The following COG5 variants were observed in gnomAD, a reference collection of about 807,000 sequenced individuals.
COG5 encodes component of oligomeric golgi complex 5.
Under a neutral mutation model 110.4 loss-of-function variants are expected in COG5, and 86 were observed. The ratio of observed to expected loss-of-function variants is 0.78; its 90% CI spans 0.65 to 0.93. The LOEUF (loss-of-function observed/expected upper bound fraction) is 0.93. COG5 is among the 40% of genes least tolerant of loss of function. The pLI is 0.00. For synonymous variants in COG5, 360 were observed against 334.6 expected (o/e 1.08, Z -0.83); for missense variants, 1,077 against 987.0 (o/e 1.09, Z -1.22).
intron 6 of COG5, among the ~76,000 whole-genome samples, chr7:107,462,183 A>G (rs1396257022): frequency 1.3e-5 from 2 of 152,218 alleles, no homozygotes; most frequent in Admixed American, 1.3e-4. Flanking sequence ...GGACGTGAGC[A>G]CTTGAGTACC....
chr7:107,505,295 G>A (rs541030546), intron 6 of COG5, among the ~76,000 whole-genome samples: 1 of 152,298 alleles, frequency 6.6e-6, no homozygotes, highest in East Asian at 1.9e-4. Context: ...CCTTGACAGA[G>A]GTGGCCGAGG....
intron 11 of COG5, among the ~76,000 whole-genome samples, chr7:107,323,835 C>T (rs1240375890): frequency 6.6e-6 from 1 of 152,064 alleles, no homozygotes; most frequent in Non-Finnish European, 1.5e-5. Context: ...GGCCTAGGTA[C>T]ATTATATGCT....
chr7:107,329,435 TC>T (rs1400729040), intron 10 of COG5, among the ~76,000 whole-genome samples: 2 of 152,178 alleles, frequency 1.3e-5, no homozygotes, highest in Non-Finnish European at 2.9e-5. Context: ...TATATACCCA[TC>T]TATTTATACA....
intron 8 of COG5, 115 bp downstream of exon 8, chr7:107,372,476 TTCTG>T (rs1416713915): frequency 2.1e-6 from 2 of 949,710 alleles, no homozygotes; most frequent in Non-Finnish European, 3.2e-6. Context: ...TTCTCTCATT[TTCTG>T]TCTACTAAAA....
chr7:107,351,972 A>G (rs1002327578), intron 10 of COG5, among the ~76,000 whole-genome samples: 1 of 146,666 alleles, frequency 6.8e-6, no homozygotes, highest in East Asian at 2.0e-4. Flanking sequence ...TATATACCCA[A>G]AGGATTATAA....
intron 14 of COG5, among the ~76,000 whole-genome samples, chr7:107,267,541 T>C (rs988091639): frequency 6.6e-6 from 1 of 152,214 alleles, no homozygotes; most frequent in African/African-American, 2.4e-5. Context: ...ATGAATACTG[T>C]AAGTAATTTA....
At chr7:107,206,641 A>G (rs1798809905) in intron 21 of COG5, among the ~76,000 whole-genome samples, 1 of 152,246 alleles carries the variant, frequency 6.6e-6, no homozygotes, top group Non-Finnish European at 1.5e-5. Context: ...ATCATTTCAT[A>G]GTGAATGGAT....
intron 8 of COG5, among the ~76,000 whole-genome samples, chr7:107,366,889 G>A (rs1254404849): frequency 6.6e-6 from 1 of 152,008 alleles, no homozygotes; most frequent in East Asian, 1.9e-4. Context: ...TTGAAGCTTT[G>A]CATATATAAA....
At chr7:107,473,205 C>T (rs1264680034) in intron 6 of COG5, among the ~76,000 whole-genome samples, 1 of 151,804 alleles carries the variant, frequency 6.6e-6, no homozygotes, top group Non-Finnish European at 1.5e-5. Context: ...CTTTAAACTA[C>T]TTCAAAAATG....
At chr7:107,383,124 G>A (rs974931765) in intron 7 of COG5, among the ~76,000 whole-genome samples, 6 of 152,112 alleles carry the variant, frequency 3.9e-5, no homozygotes, top group Admixed American at 2.0e-4. Context: ...CCAAATCCTG[G>A]CAAGCATGAC....
chr7:107,419,496 A>T (rs1793120036), intron 6 of COG5, among the ~76,000 whole-genome samples: 1 of 152,086 alleles, frequency 6.6e-6, no homozygotes, highest in African/African-American at 2.4e-5. Context: ...AGAAAAAGAG[A>T]ATGGAGGAGG....
At chr7:107,356,986 A>G (rs1562986492) in intron 10 of COG5, among the ~76,000 whole-genome samples, 1 of 152,072 alleles carries the variant, frequency 6.6e-6, no homozygotes, top group East Asian at 1.9e-4. Flanking sequence ...TGCATATATC[A>G]CTCTTCAGTG....
chr7:107,237,127 A>G (rs1327396850), intron 17 of COG5, among the ~76,000 whole-genome samples: 1 of 152,194 alleles, frequency 6.6e-6, no homozygotes, highest in African/African-American at 2.4e-5. Flanking sequence ...TGCTTTCCCT[A>G]TACAAATTCT....
At chr7:107,517,520 G>A (rs1306984116) in intron 6 of COG5, among the ~76,000 whole-genome samples, 1 of 151,942 alleles carries the variant, frequency 6.6e-6, no homozygotes, top group Non-Finnish European at 1.5e-5. Context: ...TCCATGAGAA[G>A]ATAAACCCCA....
chr7:107,429,109 T>A (rs1253777697), intron 6 of COG5, among the ~76,000 whole-genome samples: 1 of 152,148 alleles, frequency 6.6e-6, no homozygotes, highest in African/African-American at 2.4e-5. Flanking sequence ...AGATACTAAG[T>A]AACAGAATAT....
intron 6 of COG5, among the ~76,000 whole-genome samples, chr7:107,463,585 T>C (rs1033768449): frequency 1.3e-5 from 2 of 152,178 alleles, no homozygotes; most frequent in South Asian, 4.1e-4. Flanking sequence ...AAAACAATAG[T>C]ACACTGAATA....
intron 6 of COG5, among the ~76,000 whole-genome samples, chr7:107,429,625 C>A (rs1279140242): frequency 6.6e-6 from 1 of 151,996 alleles, no homozygotes; most frequent in Non-Finnish European, 1.5e-5. Context: ...TGGCTGTGTC[C>A]CTACCCAAAT....
intron 7 of COG5, among the ~76,000 whole-genome samples, chr7:107,391,049 G>C (rs1354147446): frequency 1.3e-5 from 2 of 152,200 alleles, no homozygotes; most frequent in East Asian, 3.9e-4. Context: ...GTGGTCCTAA[G>C]ACTAACCTTT....
intron 7 of COG5, among the ~76,000 whole-genome samples, chr7:107,402,729 T>C (rs969511860): frequency 2.0e-5 from 3 of 152,220 alleles, no homozygotes; most frequent in African/African-American, 7.2e-5. Context: ...GGATGGCATA[T>C]CTAGTCGCAT....
Sources: allele counts gnomAD v4.1 joint callset (sites outside exome capture counted in the v4.1 genomes callset), GRCh38; gene constraint gnomAD v4.1.1; transcripts MANE v1.5; gene names NCBI Gene and HGNC (gene_info 2026-07-23, HGNC 2026-07-21).